Variants in HACD2 observed in about 807,000 individuals in gnomAD.
HACD2 encodes 3-hydroxyacyl-CoA dehydratase 2.
HACD2 carries 15 observed loss-of-function variants against 31.0 expected under a neutral mutation model. The ratio of observed to expected loss-of-function variants is 0.48; its 90% CI spans 0.32 to 0.75. The LOEUF is 0.75. Ranked by LOEUF, HACD2 falls within the 30% of genes least tolerant of loss-of-function variation. HACD2 has a pLI of 0.03. For missense variants in HACD2, 283 were observed against 313.0 expected (o/e 0.90, Z 0.72); for synonymous variants, 115 against 122.2 (o/e 0.94, Z 0.39).
intron 3 of HACD2, among the ~76,000 whole-genome samples, chr3:123,540,967 G>C (rs1193753051): frequency 6.6e-6 from 1 of 152,026 alleles, no homozygotes; most frequent in Admixed American, 6.5e-5. Flanking sequence ...TTTATGCAAA[G>C]CTTTTTCAAA....
chr3:123,495,059 CCT>C, intron 6 of HACD2, 89 bp from the exon 7 acceptor site: 1 of 768,076 alleles, frequency 1.3e-6, no homozygotes, highest in Non-Finnish European at 2.1e-6. Flanking sequence ...CCTCTCTGAC[CCT>C]CTGACTAATT....
At chr3:123,578,173 T>G (rs1237504551) in intron 2 of HACD2, among the ~76,000 whole-genome samples, 1 of 152,254 alleles carries the variant, frequency 6.6e-6, no homozygotes, top group African/African-American at 2.4e-5. Flanking sequence ...TTTTTCAAGA[T>G]TTATCCAGGC....
intron 6 of HACD2, among the ~76,000 whole-genome samples, chr3:123,497,838 G>A (rs1048292436): frequency 2.6e-5 from 4 of 152,202 alleles, no homozygotes; most frequent in Admixed American, 2.6e-4. Flanking sequence ...AACAACAGAT[G>A]AGGCCCATGA....
chr3:123,505,318 G>A (rs960712322), intron 4 of HACD2, among the ~76,000 whole-genome samples: 1 of 152,182 alleles, frequency 6.6e-6, no homozygotes, highest in Non-Finnish European at 1.5e-5. Context: ...GATTAAAAAA[G>A]TTCTGGAGAT....
chr3:123,584,920 G>C lies in HACD2; in HGVS notation c.108C>G (p.Pro36=). The C allele has an allele frequency of 6.5e-7, 1 of 1,527,540 alleles. No homozygotes were observed. The highest frequency in any genetic ancestry group is 8.8e-7 in the Non-Finnish European group (1 of 1,137,188). 94.6% of individuals were successfully genotyped at this position (1,527,540 alleles called of 1,614,324 possible). A position where few individuals can be genotyped will look rare whatever the true frequency, so the allele number is the denominator to read the frequency against. Reference sequence around the variant, plus strand: ...AGATGACCAGGTACGCCGTGGCCAGGGGCCCCGGGCCCTTCTTCTTCCGCG... The same window carrying C: ...AGATGACCAGGTACGCCGTGGCCAGCGGCCCCGGGCCCTTCTTCTTCCGCG... ...SGTRKKKGPG[P]LATAYLVIYN... is the part of the protein sequence containing the mutation. Residue 36 remains proline (P), a synonymous_variant, in exon 1 of 7, where the codon CCC becomes CCG. Transcript: ENST00000383657.
intron 4 of HACD2, among the ~76,000 whole-genome samples, chr3:123,503,972 T>C (rs1458553757): frequency 6.6e-6 from 1 of 152,208 alleles, no homozygotes; most frequent in Non-Finnish European, 1.5e-5. Flanking sequence ...ACATATCTAT[T>C]AACTAAATTG....
intron 3 of HACD2, among the ~76,000 whole-genome samples, chr3:123,560,272 G>A (rs1369519938): frequency 6.6e-6 from 1 of 152,224 alleles, no homozygotes; most frequent in Non-Finnish European, 1.5e-5. Context: ...GCGCTTAACT[G>A]ATTTGGGAAA....
In HACD2 at chr3:123,528,434, C is replaced by T; in HGVS notation, c.333G>A (p.Val111=). 1 of 1,613,302 alleles carries T rather than the reference C, an allele frequency of 6.2e-7. No homozygotes were observed. Among genetic ancestry groups the T allele is most frequent in the Non-Finnish European group, 8.5e-7 (1 of 1,179,368 alleles). ...CCCATATTAGAAAAACTCTTGACAT[C>T]ACCTGGAAAGAAGTCAGGACAACAG... ...PSSVVLTSFQ[V]MSRVFLIWAV... is the part of the protein sequence containing the mutation. Residue 111 remains valine (V), a synonymous_variant, in exon 4 of 7, where the codon GTG becomes GTA. Transcript: ENST00000383657.
intron 4 of HACD2, among the ~76,000 whole-genome samples, chr3:123,513,322 A>C (rs2056087305): frequency 6.6e-6 from 1 of 152,232 alleles, no homozygotes; most frequent in Non-Finnish European, 1.5e-5. Context: ...GATAACCATC[A>C]CAGAGGTGGC....
chr3:123,564,172 G>A (rs113197827), intron 3 of HACD2, among the ~76,000 whole-genome samples: 3 of 152,356 alleles, frequency 2.0e-5, no homozygotes, highest in African/African-American at 7.2e-5. Context: ...GAGTCTGGGA[G>A]TGTGGGTCAT....
chr3:123,502,007 A>C (rs1029772979), intron 5 of HACD2, among the ~76,000 whole-genome samples: 4 of 152,232 alleles, frequency 2.6e-5, no homozygotes, highest in Admixed American at 6.5e-5. Flanking sequence ...TGGACTCATT[A>C]AGGTAAGCAG....
intron 3 of HACD2, among the ~76,000 whole-genome samples, chr3:123,540,850 C>T (rs573425623): frequency 3.9e-5 from 6 of 152,204 alleles, no homozygotes; most frequent in Admixed American, 3.9e-4. Context: ...TTTTTGCTAA[C>T]TTATACTAAT....
intron 3 of HACD2, among the ~76,000 whole-genome samples, chr3:123,529,344 C>T (rs1390973116): frequency 1.3e-5 from 2 of 152,190 alleles, no homozygotes; most frequent in Non-Finnish European, 2.9e-5. Flanking sequence ...TCAGCTGATC[C>T]GCCTGCCTCG....
intron 3 of HACD2, among the ~76,000 whole-genome samples, chr3:123,542,917 C>T (rs925540714): frequency 5.3e-5 from 8 of 152,198 alleles, no homozygotes; most frequent in Admixed American, 2.0e-4. Flanking sequence ...GATGGAATCA[C>T]ATCAAATATG....
At position 123,582,212 on chromosome 3, in the gene HACD2, C is replaced by A; in HGVS notation, c.273G>T (p.Glu91Asp). 1 of 1,560,956 alleles carries A rather than the reference C, an allele frequency of 6.4e-7. No individual in the cohort carries two copies. The highest frequency in any genetic ancestry group is 1.2e-5 in the South Asian group (1 of 84,656). Residue 91 changes from glutamate to aspartate, a missense_variant and splice_region_variant, in exon 2 of 7, where the codon GAG becomes GAT. Around this residue, in one of 3 missense-constraint regions of HACD2, gnomAD observed 158 missense variants for 148.3 expected, o/e 1.07. Transcript: ENST00000383657. ...LKFFQTGALL[E>D]ILHCAIGIVP... Reference sequence around the variant, plus strand: ...AACAACAATAAATCTCAGGACCTACCTCCAATAAGGCTCCAGTTTGAAAGA... The same window carrying A: ...AACAACAATAAATCTCAGGACCTACATCCAATAAGGCTCCAGTTTGAAAGA...
chr3:123,539,911 T>TTA (rs770367599), intron 3 of HACD2, among the ~76,000 whole-genome samples: 1 of 24,480 alleles, frequency 4.1e-5, no homozygotes, highest in Admixed American at 9.3e-4. Flanking sequence ...TCGTCTCTAC[T>TTA]AAAAAAAAAA....
At chr3:123,506,896 A>T (rs1357677663) in intron 4 of HACD2, among the ~76,000 whole-genome samples, 1 of 152,194 alleles carries the variant, frequency 6.6e-6, no homozygotes, top group African/African-American at 2.4e-5. Flanking sequence ...GGATTATAAG[A>T]AGTTCTACTC....
At chr3:123,567,021 G>T (rs1413766534) in intron 3 of HACD2, among the ~76,000 whole-genome samples, 1 of 152,144 alleles carries the variant, frequency 6.6e-6, no homozygotes, top group Non-Finnish European at 1.5e-5. Flanking sequence ...GTATAGATTT[G>T]CAGTTCTCAA....
chr3:123,563,456 A>G (rs2056755709), intron 3 of HACD2, among the ~76,000 whole-genome samples: 1 of 152,192 alleles, frequency 6.6e-6, no homozygotes, highest in Admixed American at 6.5e-5. Context: ...TTAAACCAGC[A>G]AAAGGTTTTA....
Sources: gnomAD v4.1 joint callset for allele counts (sites outside exome capture counted in the v4.1 genomes callset) on GRCh38, gnomAD v4.1.1 for gene constraint, gnomAD v4.1.1 regional missense constraint, MANE v1.5 for transcripts, NCBI Gene and HGNC (gene_info 2026-07-23, HGNC 2026-07-21) for gene names.